The following ZNF587B variants were observed in gnomAD, a reference collection of about 807,000 sequenced individuals.
ZNF587B encodes zinc finger protein 587B.
Under a neutral mutation model 7.2 loss-of-function variants are expected in ZNF587B, and 6 were observed. The observed-to-expected ratio is 0.83, with a 90% confidence interval of 0.46 to 1.65. The LOEUF (loss-of-function observed/expected upper bound fraction) is 1.65, where lower values mean the gene tolerates loss of function less well. ZNF587B is among the 40% of genes most tolerant of loss of function. The probability of loss-of-function intolerance (pLI) is 0.01; values close to 1 mark genes in which losing one functional copy is unlikely to be tolerated. For missense variants in ZNF587B, 749 were observed against 761.0 expected (o/e 0.98, Z 0.19); for synonymous variants, 274 against 254.3 (o/e 1.08, Z -0.74).
Position 57,843,160 on chromosome 19 carries a change from A to G in ZNF587B, c.*584A>G, listed in dbSNP as rs916617373. The G allele has an allele frequency of 8.1e-5, 47 of 583,172 alleles. No individual in the cohort carries two copies. Among genetic ancestry groups the G allele is most frequent in the Admixed American group, 1.9e-4 (3 of 15,666 alleles). The allele number at this position is 583,172 out of a possible 1,614,324, so 36.1% of individuals were successfully genotyped here. On this transcript the variant is annotated 3_prime_UTR_variant, in exon 3 of 3. Coordinates refer to ENST00000594901, the MANE Select transcript of ZNF587B (RefSeq NM_001376223.1). The stretch of plus-strand genomic sequence containing the variant: ...CAGGCATGCACCACCATGCCTGGCT[A>G]TTTTCTCATATTAGTAGATATAGGG...
In ZNF587B at chr19:57,844,267, G is replaced by A. The variant is rs1197832229; in HGVS notation, c.*1691G>A. 3.3e-5 allele frequency: 14 copies of A among 420,276 alleles called. No individual in the cohort carries two copies. Among genetic ancestry groups the A allele is most frequent in the East Asian group, 9.1e-5 (1 of 10,976 alleles). 26.0% of individuals were successfully genotyped at this position (420,276 alleles called of 1,614,324 possible). A position where few individuals can be genotyped will look rare whatever the true frequency, so the allele number is the denominator to read the frequency against. ...TGTAATCCCAACACTTTGGGAGGCCGAGGTGGGTGGATCACAAGGACAGGA... is the reference window on the plus strand; with the variant it reads ...TGTAATCCCAACACTTTGGGAGGCCAAGGTGGGTGGATCACAAGGACAGGA... On this transcript the variant is annotated 3_prime_UTR_variant, in exon 3 of 3. Coordinates refer to ENST00000594901, the MANE Select transcript of ZNF587B (RefSeq NM_001376223.1).
rs753581141 is a variant in ZNF587B, at chr19:57,842,392, C to T, written c.1718C>T (p.Thr573Ile). 9 of 1,602,710 alleles carry T rather than the reference C, an allele frequency of 5.6e-6. No individual in the cohort carries two copies. In the African/African-American group the frequency reaches 1.1e-4, roughly 19 times the overall value. Reference sequence around the variant, plus strand: ...CTCACTAGTCACAGGAGAGTTCACACTGGTCAGAAGCCTTATGAGTGCAGT... The same window carrying T: ...CTCACTAGTCACAGGAGAGTTCACATTGGTCAGAAGCCTTATGAGTGCAGT... ...SYLTSHRRVH[T>I]GQKPYECSEC... The change falls in exon 3 of 3, where the codon ACT becomes ATT. Residue 573 changes from threonine (T) to isoleucine (I), a missense_variant. Coordinates refer to ENST00000594901, the MANE Select transcript of ZNF587B (RefSeq NM_001376223.1).
chr19:57,840,344 A>G (rs898223420), intron 2 of ZNF587B, among the ~76,000 whole-genome samples: 1 of 152,070 alleles, frequency 6.6e-6, no homozygotes, highest in South Asian at 2.1e-4. Context: ...CCATTCTCCT[A>G]TCTAATCTTC....
In ZNF587B at chr19:57,845,208, G is replaced by A. The variant is rs1989020804; in HGVS notation, c.*2632G>A. On this transcript the variant is annotated 3_prime_UTR_variant, in exon 3 of 3. Transcript: ENST00000594901. ...CAGACTGGTCTTGAATTCAACTCTT[G>A]AGCTCAGGTGATCTGCTCACCTCCG... 6.6e-6 allele frequency: 1 copy of A among 152,144 alleles called. No individual in the cohort carries two copies. Among genetic ancestry groups the A allele is most frequent in the Non-Finnish European group, 1.5e-5 (1 of 68,052 alleles). The allele number at this position is 152,144 out of a possible 1,614,324, so 9.4% of individuals were successfully genotyped here.
Position 57,843,159 on chromosome 19 carries a change from T to C in ZNF587B, c.*583T>C. On this transcript the variant is annotated 3_prime_UTR_variant, in exon 3 of 3. Transcript: ENST00000594901. ...ACAGGCATGCACCACCATGCCTGGC[T>C]ATTTTCTCATATTAGTAGATATAGG... 3.5e-6 allele frequency: 2 copies of C among 574,368 alleles called. No homozygotes were observed. Among genetic ancestry groups the C allele is most frequent in the Non-Finnish European group, 4.4e-6 (2 of 455,092 alleles). The allele number at this position is 574,368 out of a possible 1,614,324, so 35.6% of individuals were successfully genotyped here.
chr19:57,840,325 C>G (rs1292328726), intron 2 of ZNF587B, among the ~76,000 whole-genome samples: 1 of 152,024 alleles, frequency 6.6e-6, no homozygotes, highest in East Asian at 1.9e-4. Context: ...TGAACTCGTA[C>G]CCTAATATCC....
At chr19:57,838,995 G>A in intron 1 of ZNF587B, 28 bp from the exon 2 acceptor site, 2 of 1,608,544 alleles carry the variant, frequency 1.2e-6, no homozygotes, top group South Asian at 2.2e-5. Context: ...GGGGTGGTTT[G>A]TGGTTTCATC....
intron 1 of ZNF587B, among the ~76,000 whole-genome samples, chr19:57,832,999 C>A (rs1988478930): frequency 1.3e-5 from 2 of 152,398 alleles, no homozygotes; most frequent in East Asian, 3.9e-4. Context: ...AGAGCTGAAG[C>A]CAGCACAGCA....
At chr19:57,838,113 C>G (rs1988698016) in intron 1 of ZNF587B, among the ~76,000 whole-genome samples, 1 of 151,720 alleles carries the variant, frequency 6.6e-6, no homozygotes, top group Non-Finnish European at 1.5e-5. Context: ...TCGAGACCAG[C>G]CTGGCCAACA....
intron 2 of ZNF587B, among the ~76,000 whole-genome samples, chr19:57,839,523 G>A (rs1988758103): frequency 1.3e-5 from 2 of 152,006 alleles, no homozygotes; most frequent in African/African-American, 4.8e-5. Context: ...CTACATCACT[G>A]CCTATATAGA....
chr19:57,830,512 T>C lies in ZNF587B; in HGVS notation c.-17T>C, dbSNP rs1005068340. ...GTCACCCTCTCCTCCCAACCCTGCTTTAAACCACGTGGTTCGATGGCGGTG... is the reference window on the plus strand; with the variant it reads ...GTCACCCTCTCCTCCCAACCCTGCTCTAAACCACGTGGTTCGATGGCGGTG... On this transcript the variant is annotated 5_prime_UTR_variant, in exon 1 of 3. Coordinates refer to ENST00000594901, the MANE Select transcript of ZNF587B (RefSeq NM_001376223.1). 6.5e-7 allele frequency: 1 copy of C among 1,549,254 alleles called. No individual in the cohort carries two copies. The highest frequency in any genetic ancestry group is 8.7e-7 in the Non-Finnish European group (1 of 1,147,014).
At chr19:57,830,761 A>G (rs1273223075) in intron 1 of ZNF587B, among the ~76,000 whole-genome samples, 197 bp downstream of exon 1, 2 of 151,904 alleles carry the variant, frequency 1.3e-5, no homozygotes, top group African/African-American at 2.4e-5. Context: ...AGCGAGTTAG[A>G]GAAAACGCCA....
rs765382873 is a variant in ZNF587B, at chr19:57,839,155, T to G, written c.163+6T>G. 1 of 1,614,104 alleles carries G rather than the reference T, an allele frequency of 6.2e-7. No homozygotes were observed. Among genetic ancestry groups the G allele is most frequent in the Admixed American group, 1.7e-5 (1 of 60,010 alleles). The stretch of plus-strand genomic sequence containing the variant: ...GGCACTTATGTCCTCCCTGGGTAAG[T>G]TGCTCACACTCACCCTGTGACTTGA... On this transcript the variant is annotated splice_donor_region_variant and intron_variant, in intron 2 of 2. Transcript: ENST00000594901.
Position 57,843,266 on chromosome 19 carries a change from G to C in ZNF587B, c.*690G>C, listed in dbSNP as rs1988928075. ...CTCAGCCTCCCAAAGTGCTGAGATT[G>C]TAGGTTTGAGTCACTGTGCTCAGCC... On this transcript the variant is annotated 3_prime_UTR_variant, in exon 3 of 3. Coordinates refer to ENST00000594901, the MANE Select transcript of ZNF587B (RefSeq NM_001376223.1). The C allele has an allele frequency of 1.0e-6, 1 of 983,226 alleles. No individual in the cohort carries two copies. Among genetic ancestry groups the C allele is most frequent in the Non-Finnish European group, 1.2e-6 (1 of 828,030 alleles). 60.9% of individuals were successfully genotyped at this position (983,226 alleles called of 1,614,324 possible).
rs1037820504 is a variant in ZNF587B, at chr19:57,844,037, G to T, written c.*1461G>T. The stretch of plus-strand genomic sequence containing the variant: ...TGTTGGGATTATAGGCGTGGCATAA[G>T]TCACCATGCTGGGACTTTTTTATTT... On this transcript the variant is annotated 3_prime_UTR_variant, in exon 3 of 3. Coordinates refer to ENST00000594901, the MANE Select transcript of ZNF587B (RefSeq NM_001376223.1). Among the ~76,000 whole-genome samples, 1 of 152,168 alleles carries T rather than the reference G, an allele frequency of 6.6e-6. No individual in the cohort carries two copies. Among genetic ancestry groups the T allele is most frequent in the Non-Finnish European group, 1.5e-5 (1 of 68,040 alleles).
intron 1 of ZNF587B, 31 bp downstream of exon 1, chr19:57,830,595 C>G: frequency 4.5e-6 from 7 of 1,549,008 alleles, no homozygotes; most frequent in Non-Finnish European, 5.2e-6. Flanking sequence ...GCCCTCAGGT[C>G]ACCTCATCAT....
chr19:57,841,689 G>A lies in ZNF587B; in HGVS notation c.1015G>A (p.Val339Met), dbSNP rs760902844. 22 of 1,605,702 alleles carry A rather than the reference G, an allele frequency of 1.4e-5. No individual in the cohort carries two copies. The highest frequency in any genetic ancestry group is 1.7e-5 in the Non-Finnish European group (20 of 1,176,348). Residue 339 changes from valine to methionine, a missense_variant, in exon 3 of 3, where the codon GTG (valine) becomes ATG (methionine). Physicochemically the swap from Val to Met is conservative, Grantham distance 21. Around this residue, in one of 3 missense-constraint regions of ZNF587B, gnomAD observed 656 missense variants for 596.5 expected, o/e 1.10. Transcript: ENST00000594901. ...ATGTGGGAAATCTTTTAGTTCAAAC[G>A]TGAACCTTAAGAGTCATCAGCGCAT... Reference protein sequence around the residue: ...GECGKSFSSNVNLKSHQRIHT... With the variant: ...GECGKSFSSNMNLKSHQRIHT...
rs1170138737 is a variant in ZNF587B at position 57,841,508 on chromosome 19, T to G, written c.834T>G (p.Ser278=). ...RPYECGECEK[S]FSQKSSLIQH... is the part of the protein sequence containing the mutation. ...ATGAATGTGGAGAATGTGAGAAATC[T>G]TTTAGTCAAAAGAGCAGCCTCATTC... Residue 278 remains serine (S), a synonymous_variant, in exon 3 of 3, where the codon TCT becomes TCG. Coordinates refer to ENST00000594901, the MANE Select transcript of ZNF587B (RefSeq NM_001376223.1). 3.2e-6 allele frequency: 5 copies of G among 1,585,326 alleles called. No homozygotes were observed. In the South Asian group the frequency reaches 5.7e-5, roughly 18 times the overall value.
At chr19:57,838,893 G>A (rs1988734017) in intron 1 of ZNF587B, 130 bp from the exon 2 acceptor site, 1 of 1,359,158 alleles carries the variant, frequency 7.4e-7, no homozygotes, top group Admixed American at 2.1e-5. Flanking sequence ...CCCATGACCA[G>A]TGGGCCTAGT....
Sources: allele counts gnomAD v4.1 joint callset (sites outside exome capture counted in the v4.1 genomes callset), GRCh38; gene constraint gnomAD v4.1.1; regional missense constraint gnomAD v4.1.1; transcripts MANE v1.5; gene names NCBI Gene and HGNC (gene_info 2026-07-23, HGNC 2026-07-21).